TTLL8: variants seen among roughly 807,000 people sequenced by gnomAD.
TTLL8 encodes the protein protein monoglycylase TTLL8.
A neutral mutation model predicts 77.8 loss-of-function variants in TTLL8; 65 were observed. That is an observed-to-expected ratio of 0.84 (90% confidence interval 0.68 to 1.03). The LOEUF is 1.03. TTLL8 is among the 50% of genes least tolerant of loss of function. The pLI is 0.00. For synonymous variants in TTLL8, 402 were observed against 422.8 expected (o/e 0.95, Z 0.60); for missense variants, 910 against 1,004.5 (o/e 0.91, Z 1.27).
chr22:50,058,159 AC>A (rs1291562791), upstream of TTLL8, among the ~76,000 whole-genome samples: 8 of 151,818 alleles, frequency 5.3e-5, no homozygotes, highest in South Asian at 1.5e-3. This position sits in a 1 kb window ranked among gnomAD's most constrained non-coding sequence, Gnocchi z 4.2. Flanking sequence ...CTCACCGGGG[AC>A]CGGGTCAGTG....
At chr22:50,047,218 A>T in exon 4 of TTLL8, 1 of 1,367,630 alleles carries the variant, frequency 7.3e-7, no homozygotes, top group Non-Finnish European at 9.8e-7. Flanking sequence ...ATCTGGTCGT[A>T]GGTCAGGCTG....
chr22:50,047,453 G>C (rs564697887), intron 3 of TTLL8, among the ~76,000 whole-genome samples, 157 bp from the exon 6 acceptor site: 1 of 152,350 alleles, frequency 6.6e-6, no homozygotes, highest in South Asian at 2.1e-4. Flanking sequence ...TGGGCCTCCT[G>C]CACATGGGAT....
chr22:50,055,165 C>A (rs1459687668), upstream of TTLL8: 2 of 1,259,922 alleles, frequency 1.6e-6, no homozygotes, highest in Admixed American at 5.1e-5. Context: ...TGGACAGATT[C>A]CAAGTTCCAA....
intron 12 of TTLL8, among the ~76,000 whole-genome samples, chr22:50,025,611 G>A (rs1473734515): frequency 6.6e-6 from 1 of 152,232 alleles, no homozygotes; most frequent in Admixed American, 6.5e-5. Flanking sequence ...TTGCACTCCA[G>A]CCTGGGCAAC....
In TTLL8 at chr22:50,030,429, C is replaced by G; in HGVS notation, c.2203+1G>C. 1 of 1,328,792 alleles carries G rather than the reference C, an allele frequency of 7.5e-7. No individual in the cohort carries two copies. The highest frequency in any genetic ancestry group is 1.2e-5 in the South Asian group (1 of 85,018). 82.3% of individuals were successfully genotyped at this position (1,328,792 alleles called of 1,614,324 possible). A position where few individuals can be genotyped will look rare whatever the true frequency, so the allele number is the denominator to read the frequency against. On this transcript the variant is annotated splice_donor_variant, in intron 12 of 13. Coordinates refer to ENST00000266182, the Ensembl canonical transcript of TTLL8. LOFTEE classifies it high-confidence loss of function. ...AGCGCACCGCCGGCGGCGCAGGTTA[C>G]CTTTTCCTCCGGGCGGCGGACGCAG...
upstream of TTLL8, among the ~76,000 whole-genome samples, chr22:50,056,513 T>C (rs2061471525): frequency 1.3e-5 from 2 of 151,958 alleles, no homozygotes; most frequent in Admixed American, 1.3e-4. The surrounding 1 kb of genome is among the most constrained non-coding windows in gnomAD (Gnocchi z 4.1). Context: ...TAGGGAGCAT[T>C]TACCCACGCA....
At chr22:50,052,998 G>T (rs192363948) in intron 1 of TTLL8, among the ~76,000 whole-genome samples, 153 of 152,294 alleles carry the variant, frequency 1.0e-3, no homozygotes, top group Non-Finnish European at 1.9e-3. Context: ...GAGGTGGGTG[G>T]ATCACCTGAG....
At chr22:50,047,953 C>T (rs933529530) in intron 3 of TTLL8, among the ~76,000 whole-genome samples, 1 of 152,124 alleles carries the variant, frequency 6.6e-6, no homozygotes, top group African/African-American at 2.4e-5. Context: ...AAAAATTAGC[C>T]GGGCGTGGTG....
intron 12 of TTLL8, chr22:50,027,846 C>A (rs768195843): frequency 9.2e-6 from 9 of 979,246 alleles, no homozygotes; most frequent in East Asian, 1.1e-4. Context: ...GCAAGCCCAG[C>A]TCCTCCCGGC....
intron 4 of TTLL8, 29 bp from the exon 7 acceptor site, chr22:50,045,999 A>AGG: frequency 7.6e-7 from 1 of 1,323,812 alleles, no homozygotes. Flanking sequence ...GTTAGGCAGG[A>AGG]GGGGCAGCTC....
At position 50,034,205 on chromosome 22, in the gene TTLL8, C is replaced by A. The variant is rs946858666; in HGVS notation, c.1039+140G>T. ...CTCTGCTCCAGCGCCTGAGTCCTGA[C>A]CCCCACGCCTGCCTCGGCGTTCTGC... On this transcript the variant is annotated intron_variant, in intron 9 of 13. Coordinates refer to ENST00000266182, the Ensembl canonical transcript of TTLL8. The surrounding 1 kb of genome is among the most constrained non-coding windows in gnomAD (Gnocchi z 4.1). 1.8e-6 allele frequency: 2 copies of A among 1,099,514 alleles called. No homozygotes were observed. Among genetic ancestry groups the A allele is most frequent in the African/African-American group, 1.6e-5 (1 of 60,910 alleles). 68.1% of individuals were successfully genotyped at this position (1,099,514 alleles called of 1,614,324 possible).
chr22:50,046,656 G>A (rs1011660292), intron 4 of TTLL8, among the ~76,000 whole-genome samples: 13 of 152,354 alleles, frequency 8.5e-5, no homozygotes, highest in African/African-American at 3.1e-4. Flanking sequence ...CACCTGGCCT[G>A]CTGAGAGGGA....
intron 12 of TTLL8, among the ~76,000 whole-genome samples, chr22:50,019,370 C>A (rs1018201381): frequency 3.9e-5 from 6 of 152,176 alleles, no homozygotes; most frequent in Non-Finnish European, 7.3e-5. Flanking sequence ...CCAAGGCAGC[C>A]CCCAGTGATC....
intron 2 of TTLL8, among the ~76,000 whole-genome samples, chr22:50,049,638 G>T (rs528320216): frequency 6.6e-6 from 1 of 152,194 alleles, no homozygotes; most frequent in East Asian, 1.9e-4. Flanking sequence ...CGGGATGGGG[G>T]TGGGAGTGAT....
At chr22:50,055,387 C>T (rs922655517), upstream of TTLL8, 35 of 1,224,304 alleles carry the variant, frequency 2.9e-5, no homozygotes, top group Non-Finnish European at 3.4e-5. Flanking sequence ...GGCACGGTGG[C>T]TCATGCCTGT....
At chr22:50,046,841 A>G (rs1431877572) in intron 4 of TTLL8, among the ~76,000 whole-genome samples, 3 of 151,878 alleles carry the variant, frequency 2.0e-5, no homozygotes, top group Admixed American at 2.0e-4. Context: ...GGGGAGCGGC[A>G]CCTCTTCCCC....
exon 12 of TTLL8, chr22:50,030,557 G>A (rs377405516): frequency 1.1e-5 from 15 of 1,315,574 alleles, no homozygotes; most frequent in Non-Finnish European, 1.5e-5. Flanking sequence ...CGGGGACACC[G>A]GTGTTTGGGG....
upstream of TTLL8, chr22:50,055,097 G>A: frequency 8.8e-7 from 1 of 1,137,690 alleles, no homozygotes; most frequent in Non-Finnish European, 1.1e-6. Flanking sequence ...GGTAACATGA[G>A]CCAAGTCCCC....
At chr22:50,023,538 A>T (rs1271590707) in intron 12 of TTLL8, among the ~76,000 whole-genome samples, 1 of 151,806 alleles carries the variant, frequency 6.6e-6, no homozygotes, top group African/African-American at 2.4e-5. Context: ...CAAAAAAATT[A>T]GCTGGGCGTG....
Sources: gnomAD v4.1 joint callset for allele counts (sites outside exome capture counted in the v4.1 genomes callset) on GRCh38, gnomAD v4.1.1 for gene constraint, Gnocchi (gnomAD v3.1) non-coding constraint, MANE v1.5 for transcripts, NCBI Gene and HGNC (gene_info 2026-07-23, HGNC 2026-07-21) for gene names.